The following FMN1 variants were observed in gnomAD, a reference collection of about 807,000 sequenced individuals.
FMN1 encodes formin 1, also known as formin-1.
Under a neutral mutation model 132.4 loss-of-function variants are expected in FMN1, and 110 were observed. The observed-to-expected ratio is 0.83, with a 90% CI of 0.71 to 0.97. The LOEUF (loss-of-function observed/expected upper bound fraction) is 0.97, where lower values mean the gene tolerates loss of function less well. Among genes scored for constraint, FMN1 ranks in the 50% least tolerant of loss-of-function variants. The pLI is 0.00. For synonymous variants in FMN1, 722 were observed against 651.7 expected (o/e 1.11, Z -1.64); for missense variants, 1,792 against 1,705.3 (o/e 1.05, Z -0.90).
intron 6 of FMN1, among the ~76,000 whole-genome samples, chr15:33,046,899 A>G (rs994570810): frequency 5.3e-5 from 8 of 152,188 alleles, no homozygotes; most frequent in Non-Finnish European, 1.2e-4. Flanking sequence ...CGGTTCTATC[A>G]TAAGGAAGAA....
chr15:33,093,563 C>T, intron 4 of FMN1, among the ~76,000 whole-genome samples: 1 of 152,148 alleles, frequency 6.6e-6, no homozygotes. Context: ...GCAACTGCCC[C>T]CATTTTCATT....
At chr15:32,863,215 G>T (rs2059313918) in intron 16 of FMN1, among the ~76,000 whole-genome samples, 1 of 152,094 alleles carries the variant, frequency 6.6e-6, no homozygotes, top group South Asian at 2.1e-4. Flanking sequence ...AGGCCGAGGC[G>T]GGCGGATCAC....
rs563299173 is a variant in FMN1 at position 33,067,395 on chromosome 15, T to C, written c.2044-2321A>G. ...ACACCACTAGGGGACTTTGGGCCAT[T>C]GGTGCTGCTTCCCTCCTCTGGCTCC... On this transcript the variant is annotated intron_variant, in intron 5 of 20. Coordinates refer to ENST00000616417, the MANE Select transcript of FMN1 (RefSeq NM_001277313.2). 28 of 1,613,894 alleles carry C rather than the reference T, an allele frequency of 1.7e-5. No individual in the cohort carries two copies. The African/African-American group carries it at 2.0e-4, about 12-fold the overall frequency.
intron 17 of FMN1, among the ~76,000 whole-genome samples, chr15:32,845,717 A>T (rs186259329): frequency 1.6e-4 from 25 of 152,334 alleles, no homozygotes; most frequent in Non-Finnish European, 2.5e-4. Context: ...GAAGTCAAGT[A>T]TAGCATGCTC....
chr15:33,072,357 A>G (rs2038031942), intron 5 of FMN1, among the ~76,000 whole-genome samples: 1 of 152,120 alleles, frequency 6.6e-6, no homozygotes. Context: ...GGACTTGGGT[A>G]TGAGAGGATT....
chr15:33,192,389 A>G (rs1451735739), intron 2 of FMN1, among the ~76,000 whole-genome samples: 2 of 152,206 alleles, frequency 1.3e-5, no homozygotes. Context: ...CATAGGTCCT[A>G]TGGGACCCCA....
At position 33,120,618 on chromosome 15, in the gene FMN1, C is replaced by T. The variant is rs75692748; in HGVS notation, c.1868-31644G>A. ...GTAGTGATACCAAGATACTGTTCGGCAGCTTTTGTTGTCTTTTCGTGTTCT... is the reference window on the plus strand; with the variant it reads ...GTAGTGATACCAAGATACTGTTCGGTAGCTTTTGTTGTCTTTTCGTGTTCT... On this transcript the variant is annotated intron_variant, in intron 4 of 20. Coordinates refer to ENST00000616417, the MANE Select transcript of FMN1 (RefSeq NM_001277313.2). 2.0e-4 allele frequency among the ~76,000 whole-genome samples: 6 copies of T among 30,450 alleles called. No individual in the cohort carries two copies. In the East Asian group the frequency reaches 0.02, roughly 102 times the overall value. The allele number at this position is 30,450 out of a possible 152,430, so 20.0% of individuals were successfully genotyped here. A position where few individuals can be genotyped will look rare whatever the true frequency, so the allele number is the denominator to read the frequency against.
At chr15:33,115,207 G>C (rs1446700401) in intron 4 of FMN1, among the ~76,000 whole-genome samples, 1 of 152,126 alleles carries the variant, frequency 6.6e-6, no homozygotes. Flanking sequence ...TAAAAGGAGA[G>C]TACTTAAGAA....
At chr15:33,155,274 C>G (rs921916831) in intron 3 of FMN1, among the ~76,000 whole-genome samples, 26 of 152,154 alleles carry the variant, frequency 1.7e-4, no homozygotes, top group African/African-American at 6.0e-4. Flanking sequence ...CATTTCACCC[C>G]CAGGACAAAA....
chr15:32,776,995 T>C, intron 19 of FMN1, 76 bp from the exon 20 acceptor site: 1 of 862,522 alleles, frequency 1.2e-6, no homozygotes, highest in Non-Finnish European at 1.8e-6. Context: ...AGAAAAGAGT[T>C]AAGGCAGGTT....
At chr15:33,032,601 G>A (rs2035988772) in intron 6 of FMN1, among the ~76,000 whole-genome samples, 1 of 152,144 alleles carries the variant, frequency 6.6e-6, no homozygotes, top group African/African-American at 2.4e-5. Flanking sequence ...ATATGTAGAG[G>A]ACCATCTCTG....
intron 17 of FMN1, among the ~76,000 whole-genome samples, chr15:32,807,432 C>A (rs548960777): frequency 3.9e-5 from 6 of 152,250 alleles, no homozygotes; most frequent in African/African-American, 1.2e-4. Context: ...TTATCAAGTT[C>A]CCCAAAATGT....
intron 6 of FMN1, among the ~76,000 whole-genome samples, chr15:33,028,295 C>T (rs1476379937): frequency 4.6e-5 from 7 of 152,092 alleles, no homozygotes; most frequent in African/African-American, 1.4e-4. Context: ...GAAAGTGACA[C>T]GTGTATATAG....
chr15:33,108,968 G>A (rs753737933), intron 4 of FMN1, among the ~76,000 whole-genome samples: 1 of 150,998 alleles, frequency 6.6e-6, no homozygotes, highest in South Asian at 2.1e-4. Context: ...CCAGGACAGA[G>A]AAGGAGTTAT....
At chr15:33,150,865 G>A (rs1041946367) in intron 4 of FMN1, 5 of 990,356 alleles carry the variant, frequency 5.0e-6, no homozygotes, top group Non-Finnish European at 6.0e-6. Context: ...GTGGGAGTTG[G>A]GTTCAGATAA....
At chr15:32,991,490 TCA>T (rs1218446801) in intron 7 of FMN1, among the ~76,000 whole-genome samples, 1 of 152,086 alleles carries the variant, frequency 6.6e-6, no homozygotes, top group Non-Finnish European at 1.5e-5. Context: ...CCATCGAAAA[TCA>T]CAATCTAGGG....
chr15:32,959,412 T>C (rs943571229), intron 9 of FMN1, among the ~76,000 whole-genome samples: 4 of 152,332 alleles, frequency 2.6e-5, no homozygotes, highest in East Asian at 1.9e-4. Context: ...GGAGGCAGGT[T>C]TGGAGTTTTC....
chr15:33,108,886 A>G (rs2039589314), intron 4 of FMN1, among the ~76,000 whole-genome samples: 1 of 152,130 alleles, frequency 6.6e-6, no homozygotes, highest in African/African-American at 2.4e-5. Context: ...GGCCTCTGTC[A>G]GTGACCTCAG....
At chr15:33,194,190 CAAAAAAAAAA>C (rs61236935) in intron 1 of FMN1, 130 bp from the exon 2 acceptor site, 3 of 22,542 alleles carry the variant, frequency 1.3e-4, no homozygotes, top group Admixed American at 9.2e-4. Context: ...CATCCAGCTT[CAAAAAAAAAA>C]AAAAAAAAAA....
Sources: gnomAD v4.1 joint callset for allele counts (sites outside exome capture counted in the v4.1 genomes callset) on GRCh38, gnomAD v4.1.1 for gene constraint, MANE v1.5 for transcripts, NCBI Gene and HGNC (gene_info 2026-07-23, HGNC 2026-07-21) for gene names.